The following UBE2E1 variants were observed in gnomAD, a reference collection of about 807,000 sequenced individuals.
UBE2E1 encodes the protein ubiquitin-conjugating enzyme E2 E1.
A neutral mutation model predicts 21.4 loss-of-function variants in UBE2E1; 6 were observed. The ratio of observed to expected loss-of-function variants is 0.28; its 90% CI spans 0.15 to 0.55. UBE2E1 has a LOEUF of 0.55. Among genes scored for constraint, UBE2E1 ranks in the 20% least tolerant of loss-of-function variants. The pLI, the probability that UBE2E1 is intolerant of heterozygous loss-of-function variation, is 0.93. For synonymous variants in UBE2E1, 87 were observed against 82.7 expected, an observed-to-expected ratio of 1.05 and a Z score of -0.28; for missense variants, 142 against 236.5, an observed-to-expected ratio of 0.60 and a Z score of 2.62.
At chr3:23,857,718 G>T (rs1384098837) in intron 3 of UBE2E1, among the ~76,000 whole-genome samples, 3 of 152,198 alleles carry the variant, frequency 2.0e-5, no homozygotes, top group Non-Finnish European at 2.9e-5. Flanking sequence ...TCCAAGAGCT[G>T]TTGTGCTCTG....
At chr3:23,838,804 A>C (rs1575821148) in intron 3 of UBE2E1, among the ~76,000 whole-genome samples, 1 of 152,074 alleles carries the variant, frequency 6.6e-6, no homozygotes, top group South Asian at 2.1e-4. Flanking sequence ...CAGGCCTGAT[A>C]TAATTAGATT....
At chr3:23,809,599 A>G (rs981865768) in intron 2 of UBE2E1, among the ~76,000 whole-genome samples, 2 of 152,248 alleles carry the variant, frequency 1.3e-5, no homozygotes, top group African/African-American at 4.8e-5. Context: ...CTGTCTGTCA[A>G]GATGAAGTTG....
intron 3 of UBE2E1, among the ~76,000 whole-genome samples, chr3:23,826,760 A>G (rs1699768552): frequency 6.6e-6 from 1 of 152,138 alleles, no homozygotes; most frequent in African/African-American, 2.4e-5. Flanking sequence ...TTTGTTCTGA[A>G]GGGGAGGTCT....
At chr3:23,839,651 G>A (rs1230399003) in intron 3 of UBE2E1, among the ~76,000 whole-genome samples, 1 of 151,440 alleles carries the variant, frequency 6.6e-6, no homozygotes, top group African/African-American at 2.4e-5. Context: ...CAAATTCTTT[G>A]TTTTATTATG....
In UBE2E1 at chr3:23,863,990, C is replaced by T. The variant is rs1224024195; in HGVS notation, c.204-23577C>T. ...ACTATTCTACATAGAAGTTTTGTTTCCTTTATCTTTTTCTTGTTTATGCCC... is the reference window on the plus strand; with the variant it reads ...ACTATTCTACATAGAAGTTTTGTTTTCTTTATCTTTTTCTTGTTTATGCCC... On this transcript the variant is annotated intron_variant, in intron 3 of 5. Coordinates refer to ENST00000306627, the MANE Select transcript of UBE2E1 (RefSeq NM_003341.5). This position sits in a 1 kb window ranked among gnomAD's most constrained non-coding sequence, Gnocchi z 4.3. Among the ~76,000 whole-genome samples the T allele has an allele frequency of 6.6e-6, 1 of 152,106 alleles. No homozygotes were observed. Among genetic ancestry groups the T allele is most frequent in the Non-Finnish European group, 1.5e-5 (1 of 68,026 alleles).
intron 3 of UBE2E1, among the ~76,000 whole-genome samples, chr3:23,846,193 C>G (rs750727354): frequency 5.9e-5 from 9 of 152,188 alleles, no homozygotes; most frequent in Non-Finnish European, 1.0e-4. Context: ...AAATAAATGT[C>G]TTACATAAAT....
At chr3:23,854,216 C>G (rs897138301) in intron 3 of UBE2E1, among the ~76,000 whole-genome samples, 1 of 148,370 alleles carries the variant, frequency 6.7e-6, no homozygotes, top group Non-Finnish European at 1.5e-5. Context: ...CAAAATTGTG[C>G]CTGGGCAACA....
intron 3 of UBE2E1, among the ~76,000 whole-genome samples, chr3:23,821,313 G>A (rs1699639230): frequency 6.6e-6 from 1 of 152,210 alleles, no homozygotes; most frequent in Non-Finnish European, 1.5e-5. Flanking sequence ...CTAAAAGATA[G>A]GAAAGGAAAT....
chr3:23,829,982 C>A (rs1392454840), intron 3 of UBE2E1, among the ~76,000 whole-genome samples: 3 of 152,118 alleles, frequency 2.0e-5, no homozygotes, highest in African/African-American at 7.2e-5. Flanking sequence ...CTCCCCCTTC[C>A]CTCCACTCCT....
At chr3:23,812,303 T>C (rs1699412471) in intron 3 of UBE2E1, among the ~76,000 whole-genome samples, 1 of 152,212 alleles carries the variant, frequency 6.6e-6, no homozygotes, top group African/African-American at 2.4e-5. Flanking sequence ...CTTTAAAAAT[T>C]AAGTATAACA....
intron 3 of UBE2E1, among the ~76,000 whole-genome samples, chr3:23,832,158 T>A (rs1168878164): frequency 6.6e-6 from 1 of 152,244 alleles, no homozygotes; most frequent in African/African-American, 2.4e-5. Context: ...CTCAAACTTT[T>A]GCTGTGAATG....
Position 23,810,974 on chromosome 3 carries a change from T to C in UBE2E1, c.153-486T>C, listed in dbSNP as rs374488664. The C allele has an allele frequency of 5.9e-3, 951 of 161,776 alleles. 6 individuals are homozygous for C. The highest frequency in any genetic ancestry group is 0.022 in the African/African-American group (892 of 41,286). The allele number at this position is 161,776 out of a possible 1,614,324, so 10.0% of individuals were successfully genotyped here. ...TGAGGACTCCGGGCGGGTCGGGTGT[T>C]GAGCGAGGCCTCGGACCTTCGGCCT... On this transcript the variant is annotated intron_variant, in intron 2 of 5. Transcript: ENST00000306627. This position sits in a 1 kb window ranked among gnomAD's most constrained non-coding sequence, Gnocchi z 5.8.
In UBE2E1 at chr3:23,890,928, C is replaced by T. The variant is rs546636883; in HGVS notation, c.*322C>T. On this transcript the variant is annotated 3_prime_UTR_variant, in exon 6 of 6. Coordinates refer to ENST00000306627, the MANE Select transcript of UBE2E1 (RefSeq NM_003341.5). ...AAACAGCTTAATTTGGTACAGGTTA[C>T]ACATATGGCCATTTATGTAAAGTCC... The T allele has an allele frequency of 5.5e-6, 1 of 183,476 alleles. No homozygotes were observed. The highest frequency in any genetic ancestry group is 1.8e-4 in the South Asian group (1 of 5,490). The allele number at this position is 183,476 out of a possible 1,614,324, so 11.4% of individuals were successfully genotyped here.
At position 23,887,497 on chromosome 3, in the gene UBE2E1, T is replaced by C. The variant is rs1367477368; in HGVS notation, c.204-70T>C. On this transcript the variant is annotated intron_variant, in intron 3 of 5. Transcript: ENST00000306627. This position sits in a 1 kb window ranked among gnomAD's most constrained non-coding sequence, Gnocchi z 4.4. ...AGAGAGGAGAGAGGTAATCTTTCCA[T>C]CTCTTTTAATACACTGTAAAAATTG... 3 of 1,504,624 alleles carry C rather than the reference T, an allele frequency of 2.0e-6. No homozygotes were observed. Among genetic ancestry groups the C allele is most frequent in the Non-Finnish European group, 2.7e-6 (3 of 1,128,896 alleles). 93.2% of individuals were successfully genotyped at this position (1,504,624 alleles called of 1,614,324 possible).
intron 3 of UBE2E1, among the ~76,000 whole-genome samples, chr3:23,832,171 T>C (rs1273394811): frequency 6.6e-6 from 1 of 152,206 alleles, no homozygotes; most frequent in Non-Finnish European, 1.5e-5. Flanking sequence ...TGTGAATGAA[T>C]GAAGGAGCAA....
At chr3:23,838,701 T>C (rs2125298789) in intron 3 of UBE2E1, among the ~76,000 whole-genome samples, 1 of 152,222 alleles carries the variant, frequency 6.6e-6, no homozygotes. Flanking sequence ...TTCACCATGT[T>C]GGCCAGGCTG....
intron 3 of UBE2E1, among the ~76,000 whole-genome samples, chr3:23,848,760 G>C (rs1001065509): frequency 1.3e-5 from 2 of 152,170 alleles, no homozygotes; most frequent in African/African-American, 4.8e-5. Flanking sequence ...AGGCCAAAAG[G>C]GAGGGCATCT....
In UBE2E1 at chr3:23,853,538, G is replaced by T. The variant is rs529675218; in HGVS notation, c.204-34029G>T. On this transcript the variant is annotated intron_variant, in intron 3 of 5. Coordinates refer to ENST00000306627, the MANE Select transcript of UBE2E1 (RefSeq NM_003341.5). The surrounding 1 kb of genome is among the most constrained non-coding windows in gnomAD (Gnocchi z 4.1). Reference sequence around the variant, plus strand: ...CAAAGATTACAAAGATTTTTCTTCTGTTGTTTTTTTTTAATATAAGTTTTA... The same window carrying T: ...CAAAGATTACAAAGATTTTTCTTCTTTTGTTTTTTTTTAATATAAGTTTTA... Among the ~76,000 whole-genome samples, 2 of 151,842 alleles carry T rather than the reference G, an allele frequency of 1.3e-5. No individual in the cohort carries two copies. Among genetic ancestry groups the T allele is most frequent in the East Asian group, 3.9e-4 (2 of 5,172 alleles).
chr3:23,838,301 A>G lies in UBE2E1; in HGVS notation c.203+26791A>G, dbSNP rs116057824. 9.4e-3 allele frequency among the ~76,000 whole-genome samples: 1,424 copies of G among 152,154 alleles called. 23 individuals are homozygous for G. Among genetic ancestry groups the G allele is most frequent in the African/African-American group, 0.032 (1,330 of 41,506 alleles). ...AAGCTAGTCTTGAACTTCTGGGCTCAAGTGATCCTCCCTCCTAGGCCTTCC... is the reference window on the plus strand; with the variant it reads ...AAGCTAGTCTTGAACTTCTGGGCTCGAGTGATCCTCCCTCCTAGGCCTTCC... On this transcript the variant is annotated intron_variant, in intron 3 of 5. Transcript: ENST00000306627.
Sources: allele counts gnomAD v4.1 joint callset (sites outside exome capture counted in the v4.1 genomes callset), GRCh38; gene constraint gnomAD v4.1.1; non-coding constraint Gnocchi (gnomAD v3.1); transcripts MANE v1.5; gene names NCBI Gene and HGNC (gene_info 2026-07-23, HGNC 2026-07-21).